The following PARM1 variants were observed in gnomAD, a reference collection of about 807,000 sequenced individuals.
PARM1 encodes WSC4, cell wall integrity and stress response component 4 homolog.
PARM1 carries 14 observed loss-of-function variants against 24.6 expected under a neutral mutation model. The ratio of observed to expected loss-of-function variants is 0.57; its 90% confidence interval spans 0.38 to 0.89. The LOEUF is 0.89. Ranked by LOEUF, PARM1 falls within the 40% of genes least tolerant of loss-of-function variation. The pLI is 0.00. For synonymous variants in PARM1, 179 were observed against 156.6 expected, an observed-to-expected ratio of 1.14 and a Z score of -1.07; for missense variants, 362 against 380.4, an observed-to-expected ratio of 0.95 and a Z score of 0.40.
At chr4:75,043,364 C>G (rs1423893842) in intron 3 of PARM1, among the ~76,000 whole-genome samples, 1 of 152,006 alleles carries the variant, frequency 6.6e-6, no homozygotes, top group Non-Finnish European at 1.5e-5. Flanking sequence ...ATGTGGCAGG[C>G]CTTTTATATT....
intron 3 of PARM1, among the ~76,000 whole-genome samples, chr4:75,041,294 A>G (rs959561913): frequency 6.6e-6 from 1 of 152,236 alleles, no homozygotes; most frequent in Non-Finnish European, 1.5e-5. Flanking sequence ...CAGTTTTGTT[A>G]ATGGACAACA....
At chr4:74,946,928 T>G (rs1217976490) in intron 1 of PARM1, among the ~76,000 whole-genome samples, 1 of 152,250 alleles carries the variant, frequency 6.6e-6, no homozygotes, top group South Asian at 2.1e-4. Context: ...TTTATTTATC[T>G]AAGCCTGCGT....
intron 1 of PARM1, chr4:74,967,670 A>G (rs985889545): frequency 1.3e-5 from 2 of 152,186 alleles, no homozygotes; most frequent in Non-Finnish European, 2.9e-5. Context: ...AACTCCATAA[A>G]TACATTCTGA....
intron 1 of PARM1, among the ~76,000 whole-genome samples, chr4:74,979,566 A>G (rs1722206458): frequency 6.6e-6 from 1 of 152,228 alleles, no homozygotes; most frequent in Non-Finnish European, 1.5e-5. Flanking sequence ...TACTGAAACT[A>G]TACCAAAAAA....
intron 1 of PARM1, among the ~76,000 whole-genome samples, chr4:74,981,701 C>T (rs1722259102): frequency 6.6e-6 from 1 of 151,812 alleles, no homozygotes. Context: ...ATGGTGAAAC[C>T]CCGTCTCTAC....
chr4:74,933,270 G>A lies in PARM1; in HGVS notation c.-58G>A. On this transcript the variant is annotated 5_prime_UTR_variant, in exon 1 of 4. Transcript: ENST00000307428. ...TCGCTACCAGCGCCCAGTGCGCTCT[G>A]TCAGTCCGCAAACTCCTTGCCGCCC... 1 of 1,518,600 alleles carries A rather than the reference G, an allele frequency of 6.6e-7. No homozygotes were observed. Among genetic ancestry groups the A allele is most frequent in the Non-Finnish European group, 9.1e-7 (1 of 1,098,040 alleles). 94.1% of individuals were successfully genotyped at this position (1,518,600 alleles called of 1,614,324 possible). A position where few individuals can be genotyped will look rare whatever the true frequency, so the allele number is the denominator to read the frequency against.
At chr4:74,980,100 T>C (rs1722218570) in intron 1 of PARM1, among the ~76,000 whole-genome samples, 2 of 152,178 alleles carry the variant, frequency 1.3e-5, no homozygotes, top group African/African-American at 4.8e-5. Context: ...CAACATAGTG[T>C]TGGATTTTCT....
chr4:75,025,254 C>G (rs940568375), intron 2 of PARM1, among the ~76,000 whole-genome samples: 1 of 152,164 alleles, frequency 6.6e-6, no homozygotes, highest in African/African-American at 2.4e-5. Flanking sequence ...CTGGCACACT[C>G]CTTTTGATCT....
At chr4:74,940,593 G>A (rs1721285738) in intron 1 of PARM1, among the ~76,000 whole-genome samples, 1 of 152,108 alleles carries the variant, frequency 6.6e-6, no homozygotes, top group African/African-American at 2.4e-5. Context: ...TCTTTACCTT[G>A]GAGATTAGGA....
chr4:75,020,309 C>T (rs1723067318), intron 2 of PARM1, among the ~76,000 whole-genome samples: 1 of 152,122 alleles, frequency 6.6e-6, no homozygotes, highest in African/African-American at 2.4e-5. Context: ...CAGACCTGGT[C>T]GTCTTACGGT....
intron 2 of PARM1, among the ~76,000 whole-genome samples, chr4:75,021,423 T>A (rs1723086941): frequency 6.6e-6 from 1 of 152,156 alleles, no homozygotes; most frequent in Non-Finnish European, 1.5e-5. Flanking sequence ...TCACTCATAT[T>A]TTTTTCTTTT....
intron 1 of PARM1, among the ~76,000 whole-genome samples, chr4:74,975,269 T>C (rs1426659646): frequency 2.6e-5 from 4 of 152,238 alleles, no homozygotes; most frequent in Non-Finnish European, 4.4e-5. Context: ...GAACTCTAGT[T>C]AGTCATAACA....
At position 74,953,409 on chromosome 4, in the gene PARM1, G is replaced by A. The variant is rs148174307; in HGVS notation, c.43+20039G>A. On this transcript the variant is annotated intron_variant, in intron 1 of 3. Coordinates refer to ENST00000307428, the MANE Select transcript of PARM1 (RefSeq NM_015393.4). Reference sequence around the variant, plus strand: ...CAAACAAAGCTCCTTGATGAGAACTGAGTTCATGCTGAGATAAAAAGTTAC... The same window carrying A: ...CAAACAAAGCTCCTTGATGAGAACTAAGTTCATGCTGAGATAAAAAGTTAC... 3.3e-5 allele frequency among the ~76,000 whole-genome samples: 5 copies of A among 152,290 alleles called. No homozygotes were observed. In the East Asian group the frequency reaches 7.7e-4, roughly 23 times the overall value.
intron 1 of PARM1, among the ~76,000 whole-genome samples, chr4:75,000,379 A>T (rs1368003069): frequency 6.6e-6 from 1 of 152,148 alleles, no homozygotes; most frequent in Non-Finnish European, 1.5e-5. Context: ...ATTTAACAGG[A>T]AGTCTGGAGA....
chr4:75,030,061 A>T (rs1197281169), intron 2 of PARM1, among the ~76,000 whole-genome samples: 1 of 152,236 alleles, frequency 6.6e-6, no homozygotes, highest in Non-Finnish European at 1.5e-5. Flanking sequence ...GCACATAAAC[A>T]TAATACAGAA....
chr4:75,040,590 G>C (rs1723462931), intron 3 of PARM1, among the ~76,000 whole-genome samples: 1 of 152,098 alleles, frequency 6.6e-6, no homozygotes, highest in Non-Finnish European at 1.5e-5. Context: ...AAAATAAATT[G>C]TAATGATTTC....
At chr4:75,028,758 TAAC>T (rs376960893) in intron 2 of PARM1, among the ~76,000 whole-genome samples, 61 of 152,278 alleles carry the variant, frequency 4.0e-4, no homozygotes, top group African/African-American at 1.4e-3. Flanking sequence ...TCTCTCAGAG[TAAC>T]AACAACTTCT....
intron 1 of PARM1, among the ~76,000 whole-genome samples, chr4:74,934,635 G>A (rs1213886468): frequency 1.3e-5 from 2 of 152,222 alleles, no homozygotes; most frequent in Non-Finnish European, 2.9e-5. Flanking sequence ...ATACTCGCAG[G>A]CGGCTTTGGC....
In PARM1 at chr4:75,012,932, C is replaced by T. The variant is rs1185668046; in HGVS notation, c.551C>T (p.Thr184Ile). 1.2e-6 allele frequency: 2 copies of T among 1,613,980 alleles called. No homozygotes were observed. Among genetic ancestry groups the T allele is most frequent in the South Asian group, 1.1e-5 (1 of 91,074 alleles). Residue 184 changes from threonine to isoleucine, a missense_variant, in exon 2 of 4, where the codon ACC (threonine) becomes ATC (isoleucine). Physicochemically the swap from Thr to Ile is moderately conservative, Grantham distance 89 (BLOSUM62 -1). Coordinates refer to ENST00000307428, the MANE Select transcript of PARM1 (RefSeq NM_015393.4). ...TTNHSSTVTS[T>I]QPTGAPTAPE... ...AACCATAGCTCCACTGTGACCAGCACCCAACCCACTGGAGCTCCAACTGCA... is the reference window on the plus strand; with the variant it reads ...AACCATAGCTCCACTGTGACCAGCATCCAACCCACTGGAGCTCCAACTGCA...
Sources: allele counts gnomAD v4.1 joint callset (sites outside exome capture counted in the v4.1 genomes callset), GRCh38; gene constraint gnomAD v4.1.1; transcripts MANE v1.5; gene names NCBI Gene and HGNC (gene_info 2026-07-23, HGNC 2026-07-21).